Variants in SPAG17 observed in about 807,000 individuals in gnomAD.
SPAG17 encodes sperm associated antigen 17, also known as sperm-associated antigen 17.
In SPAG17, 169 loss-of-function variants were observed where a neutral mutation model predicts 273.6. The observed-to-expected ratio is 0.62, with a 90% CI of 0.55 to 0.70. The LOEUF is 0.70. SPAG17 is among the 30% of genes least tolerant of loss of function. The pLI, the probability that SPAG17 is intolerant of heterozygous loss-of-function variation, is 0.00. For synonymous variants in SPAG17, 825 were observed against 873.2 expected (o/e 0.94, Z 0.97); for missense variants, 2,557 against 2,627.8 (o/e 0.97, Z 0.59).
chr1:118,164,786 C>G (rs915496196), intron 1 of SPAG17, among the ~76,000 whole-genome samples: 10 of 152,206 alleles, frequency 6.6e-5, no homozygotes, highest in Non-Finnish European at 1.5e-4. Flanking sequence ...CTTTTCTAAA[C>G]TCTTACTGCT....
At chr1:118,105,776 G>A (rs1246366598) in intron 4 of SPAG17, among the ~76,000 whole-genome samples, 1 of 152,090 alleles carries the variant, frequency 6.6e-6, no homozygotes, top group East Asian at 1.9e-4. Flanking sequence ...AATGGCTGAG[G>A]TGGAGTGGAG....
chr1:118,106,570 A>G (rs1196067951), intron 4 of SPAG17, among the ~76,000 whole-genome samples: 2 of 152,196 alleles, frequency 1.3e-5, no homozygotes, highest in Non-Finnish European at 2.9e-5. Flanking sequence ...CCTGTGCAAC[A>G]TGTTGGTAGA....
chr1:117,971,175 A>C (rs1321607728), intron 45 of SPAG17, among the ~76,000 whole-genome samples: 2 of 152,246 alleles, frequency 1.3e-5, no homozygotes, highest in Non-Finnish European at 2.9e-5. Context: ...AATGGAAGTA[A>C]TACCCATGCT....
intron 20 of SPAG17, among the ~76,000 whole-genome samples, chr1:118,043,046 T>C (rs1431473938): frequency 6.6e-6 from 1 of 152,192 alleles, no homozygotes; most frequent in African/African-American, 2.4e-5. Context: ...TGTGAAATCA[T>C]ATCTACAAAG....
chr1:118,077,486 T>C (rs1654197393), intron 15 of SPAG17, among the ~76,000 whole-genome samples: 1 of 152,112 alleles, frequency 6.6e-6, no homozygotes, highest in Non-Finnish European at 1.5e-5. Context: ...TTATGTAGTT[T>C]GACCACCAGG....
chr1:117,977,638 T>G (rs1655284364), intron 43 of SPAG17, among the ~76,000 whole-genome samples: 1 of 152,196 alleles, frequency 6.6e-6, no homozygotes, highest in Admixed American at 6.5e-5. Flanking sequence ...TCTTTAAACT[T>G]TTTATATCAA....
chr1:118,005,564 CT>C lies in SPAG17; in HGVS notation c.4625del (p.Lys1542ArgfsTer32). 1 of 1,578,796 alleles carries C rather than the reference CT, an allele frequency of 6.3e-7. No individual in the cohort carries two copies. Among genetic ancestry groups the C allele is most frequent in the Non-Finnish European group, 8.6e-7 (1 of 1,163,256 alleles). On this transcript the variant is annotated frameshift_variant, in exon 32 of 49. Transcript: ENST00000336338. LOFTEE classifies it high-confidence loss of function. ...PPNTGSLYIDKDCSAVYCHES... is the reference protein window; with the variant it reads ...PPNTGSLYIDXDCSAVYCHES... The stretch of plus-strand genomic sequence containing the variant: ...CATGGCAGTACACAGCTGAACAATC[CT>C]TGTCAATATAAAGAGAGCCTGTGTT...
intron 3 of SPAG17, among the ~76,000 whole-genome samples, chr1:118,148,659 A>C (rs1240318126): frequency 6.6e-6 from 1 of 152,180 alleles, no homozygotes; most frequent in Admixed American, 6.5e-5. Flanking sequence ...TCCCCACCCG[A>C]CCCAGAAGCC....
chr1:117,985,555 G>A (rs555357881), intron 40 of SPAG17, among the ~76,000 whole-genome samples: 22 of 152,266 alleles, frequency 1.4e-4, no homozygotes, highest in Admixed American at 2.0e-4. Flanking sequence ...CTGAATTCCT[G>A]ATGATGTTGT....
At chr1:118,012,204 A>T (rs367947341) in intron 30 of SPAG17, 24 bp downstream of exon 30, 69 of 1,601,948 alleles carry the variant, frequency 4.3e-5, no homozygotes, top group Middle Eastern at 1.7e-4. Context: ...AAATATTGTC[A>T]TGTACTCAGA....
rs983538824 is a variant in SPAG17 at position 118,023,454 on chromosome 1, C to G, written c.3919G>C (p.Ala1307Pro). 4 of 1,604,280 alleles carry G rather than the reference C, an allele frequency of 2.5e-6. No individual in the cohort carries two copies. The highest frequency in any genetic ancestry group is 1.3e-5 in the African/African-American group (1 of 74,616). ...GGACTCCTGCTCACAGCACCATCTGCAAAGAGAATCTGAAGAATGAACAAA... is the reference window on the plus strand; with the variant it reads ...GGACTCCTGCTCACAGCACCATCTGGAAAGAGAATCTGAAGAATGAACAAA... Reference protein sequence around the residue: ...MLDGSTQILFADGAVSRSPNS... With the variant: ...MLDGSTQILFPDGAVSRSPNS... Residue 1307 changes from alanine to proline, a missense_variant, in exon 28 of 49, where the codon GCA becomes CCA. Physicochemically the swap from Ala to Pro is conservative, Grantham distance 27. Coordinates refer to ENST00000336338, the MANE Select transcript of SPAG17 (RefSeq NM_206996.4).
At chr1:118,184,975 G>T in intron 1 of SPAG17, 96 bp downstream of exon 1, 3 of 1,032,412 alleles carry the variant, frequency 2.9e-6, no homozygotes, top group Admixed American at 3.7e-5. Flanking sequence ...GAGAGATACG[G>T]AAGAGAGGGC....
Position 117,969,828 on chromosome 1 carries a change from CTG to C in SPAG17, c.6387+226_6387+227del, listed in dbSNP as rs150865591. Among the ~76,000 whole-genome samples, 1,033 of 152,270 alleles carry C rather than the reference CTG, an allele frequency of 6.8e-3. 9 individuals are homozygous for C. Among genetic ancestry groups the C allele is most frequent in the African/African-American group, 0.023 (969 of 41,538 alleles). On this transcript the variant is annotated intron_variant, in intron 46 of 48. Transcript: ENST00000336338. ...TGTTTCTATAGCTGGCAGTTTAACT[CTG>C]TTTATGCATTGGATTGGTCTCATGG...
chr1:118,004,887 C>A (rs1658713578), intron 32 of SPAG17, among the ~76,000 whole-genome samples: 1 of 152,070 alleles, frequency 6.6e-6, no homozygotes, highest in Admixed American at 6.6e-5. Flanking sequence ...AATCACCCAT[C>A]TTCTGTGTCG....
intron 3 of SPAG17, among the ~76,000 whole-genome samples, chr1:118,123,973 T>C (rs912983452): frequency 3.3e-5 from 5 of 152,184 alleles, no homozygotes; most frequent in African/African-American, 4.8e-5. Flanking sequence ...AATATGTGCA[T>C]GTCAAAAAGC....
intron 1 of SPAG17, among the ~76,000 whole-genome samples, chr1:118,166,351 G>A (rs772477445): frequency 3.3e-5 from 5 of 152,172 alleles, no homozygotes; most frequent in Non-Finnish European, 7.3e-5. Flanking sequence ...TACCATGGAA[G>A]TATAGGAAAT....
chr1:118,083,871 T>A (rs1021118000), intron 13 of SPAG17, among the ~76,000 whole-genome samples: 2 of 151,896 alleles, frequency 1.3e-5, no homozygotes, highest in Non-Finnish European at 2.9e-5. Flanking sequence ...ATAAGGGAGA[T>A]GGTGAAGGGA....
chr1:117,996,393 T>C lies in SPAG17; in HGVS notation c.5030A>G (p.Gln1677Arg). 2 of 1,612,642 alleles carry C rather than the reference T, an allele frequency of 1.2e-6. No individual in the cohort carries two copies. Among genetic ancestry groups the C allele is most frequent in the Non-Finnish European group, 8.5e-7 (1 of 1,179,198 alleles). Reference sequence around the variant, plus strand: ...ACCTGGCTGTTCCTGCACTGGCTCTTGGAGAACAACAGTATTTGATTCTTT... The same window carrying C: ...ACCTGGCTGTTCCTGCACTGGCTCTCGGAGAACAACAGTATTTGATTCTTT... ...AYKESNTVVLQEPVQEQPGTL... is the reference protein window; with the variant it reads ...AYKESNTVVLREPVQEQPGTL... Residue 1677 changes from glutamine to arginine, a missense_variant, in exon 34 of 49, where the codon CAA (glutamine) becomes CGA (arginine). Coordinates refer to ENST00000336338, the MANE Select transcript of SPAG17 (RefSeq NM_206996.4).
intron 1 of SPAG17, among the ~76,000 whole-genome samples, chr1:118,165,400 ATG>A (rs1660114428): frequency 6.6e-6 from 1 of 151,872 alleles, no homozygotes; most frequent in African/African-American, 2.4e-5. Context: ...ACCTCACTCC[ATG>A]TGTGTCTGTG....
Sources: allele counts gnomAD v4.1 joint callset (sites outside exome capture counted in the v4.1 genomes callset), GRCh38; gene constraint gnomAD v4.1.1; transcripts MANE v1.5; gene names NCBI Gene and HGNC (gene_info 2026-07-23, HGNC 2026-07-21).